Variants in GTF2A1L observed in about 807,000 individuals in gnomAD.
GTF2A1L encodes general transcription factor IIA subunit 1 like.
A neutral mutation model predicts 49.7 loss-of-function variants in GTF2A1L; 48 were observed. That is an observed-to-expected ratio of 0.97 (90% CI 0.77 to 1.23). The LOEUF is 1.23. Ranked by LOEUF, GTF2A1L falls within the 50% of genes most tolerant of loss-of-function variation. The pLI is 0.00. For synonymous variants in GTF2A1L, 246 were observed against 193.5 expected (o/e 1.27, Z -2.25); for missense variants, 736 against 564.8 (o/e 1.30, Z -3.07).
chr2:48,622,087 G>A (rs1217799975), intron 3 of GTF2A1L, among the ~76,000 whole-genome samples: 1 of 152,172 alleles, frequency 6.6e-6, no homozygotes. Context: ...TTTTGGATTG[G>A]ATTATCAGTA....
chr2:48,673,271 C>G (rs1679269950), intron 8 of GTF2A1L, among the ~76,000 whole-genome samples: 1 of 151,990 alleles, frequency 6.6e-6, no homozygotes, highest in Non-Finnish European at 1.5e-5. Flanking sequence ...ATTGCTATTT[C>G]CCTGGTTGAG....
Position 48,669,989 on chromosome 2 carries a change from A to G in GTF2A1L, c.1239+7A>G. Reference sequence around the variant, plus strand: ...AGTAAACATTGTAGAAGAGGTGAGGATGACTTTTGAGCTGAGACTTCCTTT... The same window carrying G: ...AGTAAACATTGTAGAAGAGGTGAGGGTGACTTTTGAGCTGAGACTTCCTTT... On this transcript the variant is annotated splice_region_variant and intron_variant, in intron 7 of 8. Coordinates refer to ENST00000403751, the MANE Select transcript of GTF2A1L (RefSeq NM_006872.5). The G allele has an allele frequency of 6.2e-7, 1 of 1,602,926 alleles. No individual in the cohort carries two copies. The highest frequency in any genetic ancestry group is 8.5e-7 in the Non-Finnish European group (1 of 1,174,696).
chr2:48,621,250 G>A lies in GTF2A1L; in HGVS notation c.207G>A (p.Gln69=). The change falls in exon 3 of 9, where the codon CAG becomes CAA. Residue 69 remains glutamine (Q), a synonymous_variant. Coordinates refer to ENST00000403751, the MANE Select transcript of GTF2A1L (RefSeq NM_006872.5). ...TCCAATCACCTCTGTTTACTCTTCA[G>A]TTGCCGCACAGCTTGCACCAAACAT... is the stretch of plus-strand genomic sequence containing the variant. ...NSIQSPLFTL[Q]LPHSLHQTLQ... is the part of the protein sequence containing the mutation. The A allele has an allele frequency of 6.2e-7, 1 of 1,614,002 alleles. No individual in the cohort carries two copies.
chr2:48,642,591 A>C, intron 4 of GTF2A1L, 134 bp downstream of exon 4: 27 of 755,364 alleles, frequency 3.6e-5, no homozygotes, highest in Non-Finnish European at 4.7e-5. Context: ...GCGGTGGCTC[A>C]CGCCTGTAAT....
intron 6 of GTF2A1L, among the ~76,000 whole-genome samples, chr2:48,666,562 T>C (rs1246489190): frequency 6.6e-6 from 1 of 151,392 alleles, no homozygotes; most frequent in Non-Finnish European, 1.5e-5. Context: ...ATATTCAATA[T>C]AGTTATTAAT....
chr2:48,665,120 C>T (rs564536186), intron 6 of GTF2A1L, among the ~76,000 whole-genome samples: 4 of 151,998 alleles, frequency 2.6e-5, no homozygotes, highest in Non-Finnish European at 5.9e-5. Context: ...ATGGGTTTCA[C>T]CATGTTAGTC....
At chr2:48,643,512 A>ATTTCTT (rs1558728502) in intron 4 of GTF2A1L, among the ~76,000 whole-genome samples, 2 of 152,084 alleles carry the variant, frequency 1.3e-5, no homozygotes, top group African/African-American at 4.8e-5. Context: ...TTGATAGGAG[A>ATTTCTT]CCAATGAAGA....
chr2:48,647,705 T>C (rs1677604976), intron 6 of GTF2A1L, among the ~76,000 whole-genome samples: 1 of 152,130 alleles, frequency 6.6e-6, no homozygotes, highest in South Asian at 2.1e-4. Flanking sequence ...TAGTTTTACT[T>C]AATTTCTTTT....
At chr2:48,649,755 C>T (rs1198511042) in intron 6 of GTF2A1L, among the ~76,000 whole-genome samples, 1 of 152,154 alleles carries the variant, frequency 6.6e-6, no homozygotes, top group African/African-American at 2.4e-5. Flanking sequence ...GACTGCCCTT[C>T]ACCTATAATA....
intron 8 of GTF2A1L, among the ~76,000 whole-genome samples, chr2:48,676,497 C>T (rs1275991138): frequency 3.3e-5 from 5 of 151,496 alleles, no homozygotes; most frequent in African/African-American, 1.2e-4. Flanking sequence ...TGTTAAAGGG[C>T]CTTTTGTATT....
At chr2:48,656,889 G>A (rs190352798) in intron 6 of GTF2A1L, among the ~76,000 whole-genome samples, 62 of 151,930 alleles carry the variant, frequency 4.1e-4, no homozygotes, top group Non-Finnish European at 4.0e-4. Flanking sequence ...ATAAATTTAG[G>A]GTTCAACTCC....
chr2:48,673,656 C>A (rs1049207591), intron 8 of GTF2A1L, among the ~76,000 whole-genome samples: 1 of 152,022 alleles, frequency 6.6e-6, no homozygotes, highest in Non-Finnish European at 1.5e-5. Flanking sequence ...CCAGCCGACA[C>A]AGGAATATTT....
At chr2:48,654,754 A>G (rs1026257133) in intron 6 of GTF2A1L, among the ~76,000 whole-genome samples, 1 of 152,148 alleles carries the variant, frequency 6.6e-6, no homozygotes, top group African/African-American at 2.4e-5. Context: ...GCCTTGTCTC[A>G]CTGAGTTAGC....
chr2:48,661,862 G>T (rs950792933), intron 6 of GTF2A1L, among the ~76,000 whole-genome samples: 2 of 152,024 alleles, frequency 1.3e-5, no homozygotes, highest in African/African-American at 2.4e-5. Context: ...TCTAAACTAT[G>T]TCTTTTGATT....
chr2:48,661,731 C>G (rs1397646971), intron 6 of GTF2A1L, among the ~76,000 whole-genome samples: 1 of 152,016 alleles, frequency 6.6e-6, no homozygotes, highest in African/African-American at 2.4e-5. Flanking sequence ...CACTGCAGCT[C>G]TATTGGTTAT....
At chr2:48,635,083 G>T (rs757522269) in intron 3 of GTF2A1L, among the ~76,000 whole-genome samples, 1 of 152,188 alleles carries the variant, frequency 6.6e-6, no homozygotes, top group Non-Finnish European at 1.5e-5. Context: ...GAGTGCTCCA[G>T]ATATCTGGAG....
chr2:48,634,244 T>G (rs1252151389), intron 3 of GTF2A1L, among the ~76,000 whole-genome samples: 2 of 152,170 alleles, frequency 1.3e-5, no homozygotes, highest in Admixed American at 6.5e-5. Flanking sequence ...CCTGAGTAGC[T>G]GGGATGGCAG....
intron 6 of GTF2A1L, among the ~76,000 whole-genome samples, chr2:48,653,544 C>T (rs1001573510): frequency 6.6e-6 from 1 of 152,240 alleles, no homozygotes; most frequent in African/African-American, 2.4e-5. Flanking sequence ...ATTTGAGATT[C>T]ATCCATGTTG....
At chr2:48,669,636 G>A (rs1572773916) in intron 6 of GTF2A1L, 86 bp from the exon 7 acceptor site, 2 of 1,482,348 alleles carry the variant, frequency 1.3e-6, no homozygotes, top group Non-Finnish European at 1.8e-6. Context: ...GACCATTTGT[G>A]GAATGTTTGT....
Sources: allele counts gnomAD v4.1 joint callset (sites outside exome capture counted in the v4.1 genomes callset), GRCh38; gene constraint gnomAD v4.1.1; transcripts MANE v1.5; gene names NCBI Gene and HGNC (gene_info 2026-07-23, HGNC 2026-07-21).